The following BAZ1A variants were observed in gnomAD, a reference collection of about 807,000 sequenced individuals.
BAZ1A encodes the protein bromodomain adjacent to zinc finger domain 1A.
Under a neutral mutation model 185.2 loss-of-function variants are expected in BAZ1A, and 50 were observed. The ratio of observed to expected loss-of-function variants is 0.27; its 90% CI spans 0.22 to 0.34. The LOEUF is 0.34. BAZ1A is among the 10% of genes least tolerant of loss of function. BAZ1A has a pLI of 1.00. For synonymous variants in BAZ1A, 571 were observed against 615.6 expected (o/e 0.93, Z 1.07); for missense variants, 1,356 against 1,839.9 (o/e 0.74, Z 4.81).
At chr14:34,793,056 A>C (rs993005084) in intron 11 of BAZ1A, 135 bp from the exon 12 acceptor site, 3 of 793,588 alleles carry the variant, frequency 3.8e-6, no homozygotes, top group Non-Finnish European at 5.7e-6. Context: ...AAGTATAACC[A>C]AGTATTATCC....
intron 3 of BAZ1A, among the ~76,000 whole-genome samples, chr14:34,857,284 G>A (rs1490820915): frequency 6.6e-6 from 1 of 151,896 alleles, no homozygotes; most frequent in African/African-American, 2.4e-5. Context: ...GGGATTACAG[G>A]CTTGAGCCAC....
chr14:34,833,176 A>G (rs1002250554), intron 3 of BAZ1A, among the ~76,000 whole-genome samples: 1 of 152,066 alleles, frequency 6.6e-6, no homozygotes, highest in Non-Finnish European at 1.5e-5. Context: ...TGGGAAGTTG[A>G]GGCTGCAGCG....
Position 34,758,749 on chromosome 14 carries a change from T to C in BAZ1A, c.4341A>G (p.Arg1447=). ...TCAAAAAAGGCCAGCTGTCATCATG[T>C]CGTACCAATTCTACAACAAGTTGTT... ...AFEQLVVELV[R]HDDSWPFLKL... is the part of the protein sequence containing the mutation. The change falls in exon 25 of 27, where the codon CGA becomes CGG. Residue 1447 remains arginine, a synonymous_variant. Coordinates refer to ENST00000360310, the MANE Select transcript of BAZ1A (RefSeq NM_013448.3). The C allele has an allele frequency of 6.2e-7, 1 of 1,614,214 alleles. No individual in the cohort carries two copies. Among genetic ancestry groups the C allele is most frequent in the Non-Finnish European group, 8.5e-7 (1 of 1,180,030 alleles).
At chr14:34,796,982 T>C (rs1881232403) in intron 9 of BAZ1A, among the ~76,000 whole-genome samples, 1 of 152,238 alleles carries the variant, frequency 6.6e-6, no homozygotes, top group Admixed American at 6.5e-5. Flanking sequence ...TTTAAAAATA[T>C]TCTTAATCTT....
At chr14:34,813,480 G>A (rs531217528) in intron 4 of BAZ1A, among the ~76,000 whole-genome samples, 3 of 151,994 alleles carry the variant, frequency 2.0e-5, no homozygotes, top group African/African-American at 7.2e-5. Flanking sequence ...GTCAGGAGTT[G>A]GAGACCAGCC....
At chr14:34,760,994 T>A (rs150385296) in intron 24 of BAZ1A, among the ~76,000 whole-genome samples, 483 of 151,998 alleles carry the variant, frequency 3.2e-3, no homozygotes, top group Middle Eastern at 6.8e-3. Flanking sequence ...AAAAGACAAC[T>A]GAGGCCAGGC....
Position 34,776,324 on chromosome 14 carries a change from T to C in BAZ1A, c.2428A>G (p.Met810Val). 6.2e-7 allele frequency: 1 copy of C among 1,614,146 alleles called. No homozygotes were observed. The highest frequency in any genetic ancestry group is 1.1e-5 in the South Asian group (1 of 91,072). The change falls in exon 18 of 27, where the codon ATG becomes GTG. Residue 810 changes from methionine (M) to valine (V), a missense_variant. Met to Val is a conservative substitution (Grantham distance 21). This residue lies in a region of BAZ1A where 434 missense variants were observed against 561.7 expected (regional missense o/e 0.77). Coordinates refer to ENST00000360310, the MANE Select transcript of BAZ1A (RefSeq NM_013448.3). ...TNIFPLGRDR[M>V]YRRYWIFPSI... ...GGGAAAATCCAGTATCGTCTATACA[T>C]GCGGTCGCGACCCAAGGGAAAGATA... is the stretch of plus-strand genomic sequence containing the variant.
intron 3 of BAZ1A, among the ~76,000 whole-genome samples, chr14:34,849,742 C>T (rs750233605): frequency 8.4e-4 from 128 of 152,168 alleles, no homozygotes; most frequent in East Asian, 5.8e-4. Context: ...TATACCAACC[C>T]GCCAGTAGAG....
chr14:34,805,905 G>A (rs1473920734), intron 6 of BAZ1A, among the ~76,000 whole-genome samples: 1 of 147,596 alleles, frequency 6.8e-6, no homozygotes, highest in Admixed American at 6.8e-5. Flanking sequence ...TTTTCCCTTA[G>A]ACGGAGTCTC....
intron 11 of BAZ1A, among the ~76,000 whole-genome samples, chr14:34,794,085 T>C (rs1028999930): frequency 1.3e-5 from 2 of 152,168 alleles, no homozygotes; most frequent in African/African-American, 4.8e-5. Flanking sequence ...TGAGCCGAGA[T>C]TGCGCCACTG....
At chr14:34,763,269 T>C (rs1305659281) in intron 23 of BAZ1A, among the ~76,000 whole-genome samples, 1 of 152,154 alleles carries the variant, frequency 6.6e-6, no homozygotes, top group Non-Finnish European at 1.5e-5. Flanking sequence ...AAGATGGCTC[T>C]TCTAGCTGGT....
At chr14:34,783,050 A>G in intron 16 of BAZ1A, 69 bp downstream of exon 16, 1 of 1,179,106 alleles carries the variant, frequency 8.5e-7, no homozygotes, top group Non-Finnish European at 1.2e-6. Context: ...GCATTTTTAG[A>G]GTTTAAGGTG....
Position 34,796,165 on chromosome 14 carries a change from T to TACACACACACACACACACACAC in BAZ1A, c.1129-422_1129-401dup, listed in dbSNP as rs61285890. Among the ~76,000 whole-genome samples, 9 of 146,498 alleles carry TACACACACACACACACACACAC rather than the reference T, an allele frequency of 6.1e-5. No homozygotes were observed. The South Asian group carries it at 8.7e-4, about 14-fold the overall frequency. On this transcript the variant is annotated intron_variant, in intron 9 of 26. Transcript: ENST00000360310. ...AAATACAAACACATATACATATACATACACACACACACACACACACACACA... is the reference window on the plus strand; with the variant it reads ...AAATACAAACACATATACATATACATACACACACACACACACACACACACACACACACACACACACACACACA...
At position 34,802,879 on chromosome 14, in the gene BAZ1A, G is replaced by C; in HGVS notation, c.836C>G (p.Pro279Arg). 1.2e-6 allele frequency: 2 copies of C among 1,613,572 alleles called. No individual in the cohort carries two copies. The highest frequency in any genetic ancestry group is 1.7e-6 in the Non-Finnish European group (2 of 1,179,614). Residue 279 changes from proline (P) to arginine (R), a missense_variant, in exon 7 of 27, where the codon CCT (proline) becomes CGT (arginine). By Grantham distance (103) the Pro-to-Arg change is moderately radical (BLOSUM62 -2). Around this residue, in one of 7 missense-constraint regions of BAZ1A, gnomAD observed 332 missense variants for 395.3 expected, o/e 0.84. Transcript: ENST00000360310. ...FSPANRRRGR[P>R]PKRIHISQED... ...TTGACTAATATGTATTCGTTTGGGA[G>C]GTCTCCCTCTTCGTCTGTTAGCAGG...
intron 3 of BAZ1A, among the ~76,000 whole-genome samples, chr14:34,841,105 T>G (rs1007135967): frequency 7.2e-5 from 11 of 152,044 alleles, no homozygotes; most frequent in Non-Finnish European, 1.5e-4. Context: ...CCCGCCATCA[T>G]GCCCTGCTAA....
chr14:34,814,053 AAAAG>A (rs1277744818), intron 4 of BAZ1A, among the ~76,000 whole-genome samples: 1 of 151,734 alleles, frequency 6.6e-6, no homozygotes. Context: ...AAAAAAAAAA[AAAAG>A]AAAGAAAATT....
At chr14:34,782,324 CGTT>C (rs1400097653) in intron 16 of BAZ1A, among the ~76,000 whole-genome samples, 1 of 152,172 alleles carries the variant, frequency 6.6e-6, no homozygotes, top group African/African-American at 2.4e-5. Flanking sequence ...TGATTAATGA[CGTT>C]GAGCATCTTC....
At chr14:34,807,002 A>G (rs1881887370) in intron 6 of BAZ1A, among the ~76,000 whole-genome samples, 1 of 150,372 alleles carries the variant, frequency 6.7e-6, no homozygotes, top group Non-Finnish European at 1.5e-5. Context: ...CAGTATGTAC[A>G]CTTTGGCCTC....
chr14:34,852,767 C>T lies in BAZ1A; in HGVS notation c.392+9277G>A, dbSNP rs928036409. On this transcript the variant is annotated intron_variant, in intron 3 of 26. Transcript: ENST00000360310. ...CATCCTGAGAAGCAACCCTATAAGGCGGGGGGTTCATTTAATACGTGAAAA... is the reference window on the plus strand; with the variant it reads ...CATCCTGAGAAGCAACCCTATAAGGTGGGGGGTTCATTTAATACGTGAAAA... 3.9e-5 allele frequency among the ~76,000 whole-genome samples: 6 copies of T among 152,128 alleles called. No homozygotes were observed. In the East Asian group the frequency reaches 7.7e-4, roughly 20 times the overall value.
Sources: gnomAD v4.1 joint callset for allele counts (sites outside exome capture counted in the v4.1 genomes callset) on GRCh38, gnomAD v4.1.1 for gene constraint, gnomAD v4.1.1 regional missense constraint, MANE v1.5 for transcripts, NCBI Gene and HGNC (gene_info 2026-07-23, HGNC 2026-07-21) for gene names.